Variants in ACSL1 observed in about 807,000 individuals in gnomAD.
ACSL1 encodes the protein acyl-CoA synthetase long chain family member 1.
Under a neutral mutation model 98.4 loss-of-function variants are expected in ACSL1, and 41 were observed. That is an observed-to-expected ratio of 0.42 (90% CI 0.32 to 0.54). The LOEUF (loss-of-function observed/expected upper bound fraction) is 0.54, where lower values mean the gene tolerates loss of function less well. ACSL1 is among the 20% of genes least tolerant of loss of function. The pLI is 0.13. For missense variants in ACSL1, 734 were observed against 883.1 expected (o/e 0.83, Z 2.14); for synonymous variants, 316 against 322.7 (o/e 0.98, Z 0.22).
chr4:184,768,003 TAAACAGTCC>T (rs1306349518), intron 12 of ACSL1: 4 of 432,630 alleles, frequency 9.2e-6, no homozygotes, highest in African/African-American at 8.2e-5. Context: ...AGAGAAGAGG[TAAACAGTCC>T]GTGTTACACA....
intron 18 of ACSL1, chr4:184,758,910 C>T (rs1762489313): frequency 8.2e-6 from 1 of 122,666 alleles, no homozygotes; most frequent in African/African-American, 3.1e-5. Flanking sequence ...TCCCCCCACC[C>T]CACAACAGGC....
At chr4:184,776,440 C>A in intron 7 of ACSL1, 44 bp downstream of exon 7, 1 of 1,586,828 alleles carries the variant, frequency 6.3e-7, no homozygotes, top group Non-Finnish European at 8.6e-7. Context: ...CCAACACGGC[C>A]CCAGGGAAAG....
intron 1 of ACSL1, chr4:184,821,179 T>C (rs767439891): frequency 2.7e-5 from 12 of 450,814 alleles, no homozygotes; most frequent in Admixed American, 7.1e-5. Flanking sequence ...GTGTCCAGGC[T>C]GTGGCTACCA....
intron 1 of ACSL1, chr4:184,808,544 C>T (rs1208755668): frequency 3.1e-6 from 3 of 973,754 alleles, no homozygotes; most frequent in East Asian, 2.3e-4. Context: ...CATTCCGTGC[C>T]CCGCCTCCTC....
chr4:184,793,249 T>C lies in ACSL1; in HGVS notation c.196-4518A>G, dbSNP rs561830217. Among the ~76,000 whole-genome samples the C allele has an allele frequency of 3.3e-5, 5 of 150,684 alleles. No homozygotes were observed. The South Asian group carries it at 8.4e-4, about 25-fold the overall frequency. On this transcript the variant is annotated intron_variant, in intron 2 of 20. Coordinates refer to ENST00000281455, the MANE Select transcript of ACSL1 (RefSeq NM_001995.5). ...AAACCCACTACAGTGAAATCGGTGG[T>C]CATGAGTATATTCCGCAACATCTCT... is the stretch of plus-strand genomic sequence containing the variant.
At chr4:184,769,070 A>AATATATATATATAT (rs34360556) in intron 11 of ACSL1, among the ~76,000 whole-genome samples, 165 of 147,730 alleles carry the variant, frequency 1.1e-3, no homozygotes, top group Non-Finnish European at 1.7e-3. Context: ...CTCTGTCTCA[A>AATATATATATATAT]ATATATATAT....
intron 1 of ACSL1, among the ~76,000 whole-genome samples, chr4:184,805,222 C>A (rs1422346036): frequency 6.6e-6 from 1 of 152,126 alleles, no homozygotes. Context: ...ATTTGCATCT[C>A]TTTTTCTTTG....
intron 17 of ACSL1, among the ~76,000 whole-genome samples, chr4:184,760,830 C>G (rs1015563470): frequency 3.3e-5 from 5 of 152,236 alleles, no homozygotes; most frequent in Non-Finnish European, 1.5e-5. Context: ...GAATTAGGCG[C>G]ATACACATCT....
Position 184,763,151 on chromosome 4 carries a change from G to A in ACSL1, c.1521+16C>T. On this transcript the variant is annotated intron_variant, in intron 16 of 20. Coordinates refer to ENST00000281455, the MANE Select transcript of ACSL1 (RefSeq NM_001995.5). ...GAAATGGCAGCGAGGGAAAATGACTGACGGTTTTCACTCACCTCGCCCTCG... is the reference window on the plus strand; with the variant it reads ...GAAATGGCAGCGAGGGAAAATGACTAACGGTTTTCACTCACCTCGCCCTCG... 6.2e-7 allele frequency: 1 copy of A among 1,611,094 alleles called. No individual in the cohort carries two copies. Among genetic ancestry groups the A allele is most frequent in the Non-Finnish European group, 8.5e-7 (1 of 1,179,164 alleles).
chr4:184,807,957 C>T (rs565438827), intron 1 of ACSL1, among the ~76,000 whole-genome samples: 2 of 152,326 alleles, frequency 1.3e-5, no homozygotes, highest in South Asian at 2.1e-4. Context: ...TTAGCCCAAC[C>T]CAGGTTAGGA....
At chr4:184,806,985 C>G (rs1264619962) in intron 1 of ACSL1, among the ~76,000 whole-genome samples, 1 of 152,238 alleles carries the variant, frequency 6.6e-6, no homozygotes, top group Non-Finnish European at 1.5e-5. Context: ...TAAACAGACA[C>G]TGATAGCATT....
intron 1 of ACSL1, among the ~76,000 whole-genome samples, chr4:184,819,433 A>G (rs1241584528): frequency 6.6e-6 from 1 of 151,984 alleles, no homozygotes; most frequent in Non-Finnish European, 1.5e-5. Context: ...GTGAGCTACC[A>G]CACCCAGCCT....
chr4:184,815,242 C>T, intron 1 of ACSL1: 1 of 365,564 alleles, frequency 2.7e-6, no homozygotes, highest in Non-Finnish European at 5.5e-6. Context: ...TGGAGAAACA[C>T]CAGCAACAGC....
At chr4:184,764,732 GA>G (rs1763328300) in intron 15 of ACSL1, 120 bp downstream of exon 15, 1 of 897,090 alleles carries the variant, frequency 1.1e-6, no homozygotes, top group Non-Finnish European at 1.7e-6. Context: ...CTAATGATCA[GA>G]AACATAGCAC....
At chr4:184,806,685 T>TA (rs945407919) in intron 1 of ACSL1, among the ~76,000 whole-genome samples, 13 of 149,592 alleles carry the variant, frequency 8.7e-5, no homozygotes, top group African/African-American at 2.2e-4. Flanking sequence ...AAGAACACTT[T>TA]AAAAAAAAAA....
chr4:184,774,144 G>C (rs1355429176), intron 7 of ACSL1, among the ~76,000 whole-genome samples: 2 of 151,990 alleles, frequency 1.3e-5, no homozygotes, highest in Non-Finnish European at 2.9e-5. Flanking sequence ...TTTGAAATAG[G>C]ATGTATTAAA....
At chr4:184,785,600 C>CCGGGG (rs1392500206) in intron 3 of ACSL1, among the ~76,000 whole-genome samples, 424 of 19,132 alleles carry the variant, frequency 0.022, 96 homozygotes, top group South Asian at 0.065. Context: ...TCCTCCTGGG[C>CCGGGG]GGGGGCGGGG....
intron 18 of ACSL1, 138 bp from the exon 19 acceptor site, chr4:184,758,058 C>G (rs369694593): frequency 2.6e-6 from 2 of 775,856 alleles, no homozygotes; most frequent in Non-Finnish European, 2.1e-6. Context: ...ATACTACCCC[C>G]CTCCCCCAGG....
chr4:184,780,635 G>C (rs1423363986), intron 4 of ACSL1, among the ~76,000 whole-genome samples: 3 of 152,220 alleles, frequency 2.0e-5, no homozygotes, highest in African/African-American at 4.8e-5. Flanking sequence ...TAAGAGAACT[G>C]ACCGCAGGGT....
Sources: gnomAD v4.1 joint callset for allele counts (sites outside exome capture counted in the v4.1 genomes callset) on GRCh38, gnomAD v4.1.1 for gene constraint, MANE v1.5 for transcripts, NCBI Gene and HGNC (gene_info 2026-07-23, HGNC 2026-07-21) for gene names.